RAB2A: variants seen among roughly 807,000 people sequenced by gnomAD.
RAB2A encodes the protein RAB2A, member RAS oncogene family.
RAB2A carries 7 observed loss-of-function variants against 32.5 expected under a neutral mutation model. The observed-to-expected ratio is 0.22, with a 90% confidence interval of 0.12 to 0.40. The LOEUF (loss-of-function observed/expected upper bound fraction) is 0.40. Among genes scored for constraint, RAB2A ranks in the 10% least tolerant of loss-of-function variants. The probability of loss-of-function intolerance (pLI) is 1.00; values close to 1 mark genes in which losing one functional copy is unlikely to be tolerated. For synonymous variants in RAB2A, 79 were observed against 85.2 expected (o/e 0.93, Z 0.40); for missense variants, 108 against 260.7 (o/e 0.41, Z 4.03).
intron 6 of RAB2A, among the ~76,000 whole-genome samples, chr8:60,609,717 A>G (rs608401): frequency 0.53 from 81,051 of 151,888 alleles, 24,510 homozygotes; most frequent in African/African-American, 0.83. Flanking sequence ...TATACTCCCA[A>G]CACTTAGGGA....
intron 1 of RAB2A, among the ~76,000 whole-genome samples, chr8:60,547,599 G>A (rs1201190695): frequency 2.4e-5 from 3 of 126,186 alleles, no homozygotes; most frequent in East Asian, 2.7e-4. Context: ...CAGTAGGGGC[G>A]GCCGGGCAGA....
intron 3 of RAB2A, among the ~76,000 whole-genome samples, chr8:60,572,960 AGTGAGACTAGTGAT>A (rs1808217870): frequency 6.6e-6 from 1 of 152,210 alleles, no homozygotes; most frequent in African/African-American, 2.4e-5. Context: ...ACATTTTTCT[AGTGAGACTAGTGAT>A]ATCTGTCTGC....
At chr8:60,562,850 G>C (rs1808044654) in intron 2 of RAB2A, among the ~76,000 whole-genome samples, 1 of 152,120 alleles carries the variant, frequency 6.6e-6, no homozygotes, top group Non-Finnish European at 1.5e-5. Context: ...CACTTATGTA[G>C]AGTTGCATAT....
chr8:60,588,496 G>C (rs1047182109), intron 5 of RAB2A, among the ~76,000 whole-genome samples: 2 of 152,150 alleles, frequency 1.3e-5, no homozygotes, highest in Non-Finnish European at 2.9e-5. Flanking sequence ...CTACAACTCA[G>C]CTATAAAGAG....
intron 1 of RAB2A, among the ~76,000 whole-genome samples, chr8:60,525,261 G>C (rs1278443035): frequency 2.0e-5 from 3 of 152,188 alleles, no homozygotes; most frequent in Admixed American, 2.0e-4. Flanking sequence ...GAGTGCTCAT[G>C]AGATCTGATG....
chr8:60,550,084 G>A (rs1807822445), intron 1 of RAB2A, among the ~76,000 whole-genome samples: 1 of 152,048 alleles, frequency 6.6e-6, no homozygotes, highest in South Asian at 2.1e-4. Flanking sequence ...TGTCTACTCA[G>A]CTTTGTCTCT....
rs1452729738 is a variant in RAB2A, at chr8:60,623,637, A to G, written c.*2868A>G. Reference sequence around the variant, plus strand: ...GCCTAACGCCACAGTAGATCATCTCATACTGCATTCGGATGTACTAGGTAT... The same window carrying G: ...GCCTAACGCCACAGTAGATCATCTCGTACTGCATTCGGATGTACTAGGTAT... On this transcript the variant is annotated 3_prime_UTR_variant, in exon 8 of 8. Coordinates refer to ENST00000262646, the MANE Select transcript of RAB2A (RefSeq NM_002865.3). The G allele has an allele frequency of 6.6e-6, 1 of 152,168 alleles. No individual in the cohort carries two copies. The highest frequency in any genetic ancestry group is 1.5e-5 in the Non-Finnish European group (1 of 68,018). 9.4% of individuals were successfully genotyped at this position (152,168 alleles called of 1,614,324 possible).
chr8:60,588,994 A>G (rs2130851911), intron 5 of RAB2A, among the ~76,000 whole-genome samples: 1 of 152,202 alleles, frequency 6.6e-6, no homozygotes, highest in East Asian at 1.9e-4. Context: ...TTTCTTGGGT[A>G]TTCTTTTCCA....
At chr8:60,522,860 A>T (rs201323749) in intron 1 of RAB2A, among the ~76,000 whole-genome samples, 118 of 147,678 alleles carry the variant, frequency 8.0e-4, no homozygotes, top group Middle Eastern at 3.5e-3. Context: ...GTGTTTGTTT[A>T]AAAAAAAAAA....
At chr8:60,594,836 A>G (rs1174971872) in intron 6 of RAB2A, among the ~76,000 whole-genome samples, 1 of 152,218 alleles carries the variant, frequency 6.6e-6, no homozygotes, top group East Asian at 1.9e-4. Flanking sequence ...GCTGCATAGT[A>G]TTCCATGGTG....
At chr8:60,531,798 A>ATTTTTTTTTTTTTT (rs11320293) in intron 1 of RAB2A, among the ~76,000 whole-genome samples, 1 of 129,726 alleles carries the variant, frequency 7.7e-6, no homozygotes, top group African/African-American at 2.9e-5. Flanking sequence ...TTCTACCTTG[A>ATTTTTTTTTTTTTT]TTTTTTTTTT....
At chr8:60,582,189 T>C (rs748759057) in intron 3 of RAB2A, among the ~76,000 whole-genome samples, 20 of 152,170 alleles carry the variant, frequency 1.3e-4, no homozygotes, top group Non-Finnish European at 2.2e-4. Context: ...CCTCAAGCAA[T>C]ACTCCTGCCT....
At chr8:60,580,143 T>A (rs1347875338) in intron 3 of RAB2A, among the ~76,000 whole-genome samples, 1 of 151,494 alleles carries the variant, frequency 6.6e-6, no homozygotes, top group African/African-American at 2.4e-5. Context: ...ATTACAGGTG[T>A]GCGCCACCAC....
At chr8:60,573,114 A>G (rs1451308819) in intron 3 of RAB2A, among the ~76,000 whole-genome samples, 4 of 152,154 alleles carry the variant, frequency 2.6e-5, no homozygotes, top group Non-Finnish European at 4.4e-5. Flanking sequence ...ATGGACCCTT[A>G]AAGTCTGAGG....
chr8:60,549,889 A>G (rs1386872772), intron 1 of RAB2A, among the ~76,000 whole-genome samples: 1 of 152,096 alleles, frequency 6.6e-6, no homozygotes, highest in African/African-American at 2.4e-5. Context: ...TGAAAAAAAA[A>G]AAAAGTTTTG....
chr8:60,577,605 A>G (rs563427047), intron 3 of RAB2A, among the ~76,000 whole-genome samples: 3 of 151,514 alleles, frequency 2.0e-5, no homozygotes, highest in Non-Finnish European at 4.4e-5. Context: ...CAATTATAGC[A>G]GTTCCTTGAT....
intron 6 of RAB2A, among the ~76,000 whole-genome samples, chr8:60,605,445 C>T (rs1206700172): frequency 4.6e-5 from 7 of 152,196 alleles, no homozygotes; most frequent in Non-Finnish European, 8.8e-5. Context: ...ATGACCACGT[C>T]CTCCAGACCC....
At chr8:60,547,826 G>C (rs1485706747) in intron 1 of RAB2A, among the ~76,000 whole-genome samples, 1 of 123,662 alleles carries the variant, frequency 8.1e-6, no homozygotes, top group Non-Finnish European at 1.7e-5. Context: ...TGGCCGGGCG[G>C]GGGGCTGACC....
chr8:60,527,709 C>T (rs1187015885), intron 1 of RAB2A, among the ~76,000 whole-genome samples: 1 of 152,152 alleles, frequency 6.6e-6, no homozygotes, highest in Non-Finnish European at 1.5e-5. Context: ...CAACCCTGCT[C>T]ATTTACCCTA....
Sources: gnomAD v4.1 joint callset for allele counts (sites outside exome capture counted in the v4.1 genomes callset) on GRCh38, gnomAD v4.1.1 for gene constraint, MANE v1.5 for transcripts, NCBI Gene and HGNC (gene_info 2026-07-23, HGNC 2026-07-21) for gene names.